The following FGF12 variants were observed in gnomAD, a reference collection of about 807,000 sequenced individuals.
FGF12 encodes the protein fibroblast growth factor 12B.
Under a neutral mutation model 23.6 loss-of-function variants are expected in FGF12, and 14 were observed. The ratio of observed to expected loss-of-function variants is 0.59; its 90% CI spans 0.39 to 0.93. FGF12 has a LOEUF of 0.93. Among genes scored for constraint, FGF12 ranks in the 40% least tolerant of loss-of-function variants. The pLI, the probability that FGF12 is intolerant of heterozygous loss-of-function variation, is 0.00. For missense variants in FGF12, 175 were observed against 217.8 expected (o/e 0.80, Z 1.24); for synonymous variants, 62 against 77.3 (o/e 0.80, Z 1.04).
intron 4 of FGF12, chr3:192,238,696 C>G (rs1719436262): frequency 6.6e-6 from 1 of 152,170 alleles, no homozygotes. Flanking sequence ...TAATCCCAGG[C>G]TTTTGTGTTA....
chr3:192,209,140 G>A (rs143400497), intron 4 of FGF12, among the ~76,000 whole-genome samples: 1 of 152,044 alleles, frequency 6.6e-6, no homozygotes, highest in Non-Finnish European at 1.5e-5. Context: ...ATATATTATG[G>A]GACTTTCAGA....
rs368361604 is a variant in FGF12 at position 192,345,872 on chromosome 3, C to T, written c.125-10408G>A. On this transcript the variant is annotated intron_variant, in intron 3 of 5. Coordinates refer to ENST00000445105, the MANE Select transcript of FGF12 (RefSeq NM_004113.6). ...TTAGTTTTTCTTAGATAAAATTACA[C>T]ACAGGCAACACAAGCACACTTATTT... Among the ~76,000 whole-genome samples, 70 of 152,276 alleles carry T rather than the reference C, an allele frequency of 4.6e-4. 1 individual carries two copies. The highest frequency in any genetic ancestry group is 1.6e-3 in the African/African-American group (65 of 41,566).
At chr3:192,638,816 C>T (rs2108662595) in intron 2 of FGF12, among the ~76,000 whole-genome samples, 1 of 152,254 alleles carries the variant, frequency 6.6e-6, no homozygotes, top group East Asian at 1.9e-4. Flanking sequence ...CTAGGCTGTG[C>T]AGTAATAACA....
chr3:192,371,071 A>G (rs946751861), intron 2 of FGF12, among the ~76,000 whole-genome samples: 41 of 152,208 alleles, frequency 2.7e-4, no homozygotes, highest in African/African-American at 9.4e-4. Flanking sequence ...TCTTTCTCAA[A>G]TGATCACCCA....
chr3:192,417,562 T>G (rs149303579), intron 2 of FGF12, among the ~76,000 whole-genome samples: 1 of 152,130 alleles, frequency 6.6e-6, no homozygotes, highest in African/African-American at 2.4e-5. Context: ...ATAATCTCAA[T>G]GTCACCTTAA....
intron 2 of FGF12, among the ~76,000 whole-genome samples, chr3:192,410,310 C>G (rs1721157726): frequency 6.6e-6 from 1 of 152,162 alleles, no homozygotes; most frequent in Non-Finnish European, 1.5e-5. Flanking sequence ...TCTGTCTCTC[C>G]CCTTTTCTCC....
intron 4 of FGF12, among the ~76,000 whole-genome samples, chr3:192,274,388 T>C (rs555811569): frequency 1.3e-5 from 2 of 152,238 alleles, no homozygotes; most frequent in South Asian, 4.1e-4. Context: ...AGAAAGTACT[T>C]CAAAAATTCC....
chr3:192,325,129 T>C (rs1716750226), intron 4 of FGF12, among the ~76,000 whole-genome samples: 1 of 152,194 alleles, frequency 6.6e-6, no homozygotes, highest in South Asian at 2.1e-4. Context: ...CCATGTCACA[T>C]GTTTGCAAGC....
intron 2 of FGF12, among the ~76,000 whole-genome samples, chr3:192,635,809 G>T (rs2108660045): frequency 6.6e-6 from 1 of 152,244 alleles, no homozygotes; most frequent in African/African-American, 2.4e-5. Flanking sequence ...AAGTTCTATG[G>T]AGAAGTCTGG....
At chr3:192,234,356 G>A (rs1719173408) in intron 4 of FGF12, among the ~76,000 whole-genome samples, 2 of 151,880 alleles carry the variant, frequency 1.3e-5, no homozygotes, top group South Asian at 4.1e-4. Context: ...GCCAGCTATT[G>A]TTGAGCTACT....
intron 4 of FGF12, among the ~76,000 whole-genome samples, chr3:192,178,269 T>C (rs1260755114): frequency 6.6e-6 from 1 of 152,162 alleles, no homozygotes; most frequent in African/African-American, 2.4e-5. Flanking sequence ...TATAAAATGT[T>C]GTTTCTTCAA....
chr3:192,519,689 C>T (rs1724767289), intron 2 of FGF12, among the ~76,000 whole-genome samples: 1 of 152,208 alleles, frequency 6.6e-6, no homozygotes, highest in Non-Finnish European at 1.5e-5. Context: ...GTTTGCCCGG[C>T]AGTGACTTTT....
At chr3:192,588,420 A>G (rs1406852897) in intron 2 of FGF12, among the ~76,000 whole-genome samples, 2 of 151,468 alleles carry the variant, frequency 1.3e-5, no homozygotes, top group African/African-American at 2.4e-5. Flanking sequence ...AATAAAATTA[A>G]AACAGTAATG....
intron 2 of FGF12, among the ~76,000 whole-genome samples, chr3:192,418,659 G>A (rs1393548527): frequency 6.6e-6 from 1 of 152,090 alleles, no homozygotes; most frequent in Non-Finnish European, 1.5e-5. Flanking sequence ...CTTCCCTCTT[G>A]CTGTTCTTGT....
At chr3:192,464,098 G>C (rs544220657) in intron 2 of FGF12, among the ~76,000 whole-genome samples, 1 of 152,290 alleles carries the variant, frequency 6.6e-6, no homozygotes, top group African/African-American at 2.4e-5. Context: ...ACACTGCTCA[G>C]GGTGGGGCCC....
intron 2 of FGF12, among the ~76,000 whole-genome samples, chr3:192,479,551 C>T (rs917872162): frequency 6.6e-6 from 1 of 152,176 alleles, no homozygotes; most frequent in Non-Finnish European, 1.5e-5. Flanking sequence ...ACTCTCCTAT[C>T]TTCCTTAGCA....
intron 3 of FGF12, among the ~76,000 whole-genome samples, chr3:192,347,382 A>G (rs1718013787): frequency 6.6e-6 from 1 of 152,166 alleles, no homozygotes; most frequent in African/African-American, 2.4e-5. Flanking sequence ...CACAATTACA[A>G]TGCAGTTAAA....
At chr3:192,694,691 T>C (rs1465172275) in intron 2 of FGF12, among the ~76,000 whole-genome samples, 2 of 151,810 alleles carry the variant, frequency 1.3e-5, no homozygotes, top group Non-Finnish European at 2.9e-5. Flanking sequence ...TAAAATAGTA[T>C]ACAGCCTTCA....
At position 192,215,094 on chromosome 3, in the gene FGF12, T is replaced by C. The variant is rs543688502; in HGVS notation, c.229-44438A>G. ...AGGATGCTTACGTTGTCATCGGCTCTTCCCGAACTCTCTACAGGAGTGAAT... is the reference window on the plus strand; with the variant it reads ...AGGATGCTTACGTTGTCATCGGCTCCTCCCGAACTCTCTACAGGAGTGAAT... On this transcript the variant is annotated intron_variant, in intron 4 of 5. Coordinates refer to ENST00000445105, the MANE Select transcript of FGF12 (RefSeq NM_004113.6). Among the ~76,000 whole-genome samples the C allele has an allele frequency of 1.0e-3, 153 of 152,340 alleles. 1 individual carries two copies. The highest frequency in any genetic ancestry group is 3.4e-3 in the African/African-American group (143 of 41,584).
Sources: allele counts gnomAD v4.1 joint callset (sites outside exome capture counted in the v4.1 genomes callset), GRCh38; gene constraint gnomAD v4.1.1; transcripts MANE v1.5; gene names NCBI Gene and HGNC (gene_info 2026-07-23, HGNC 2026-07-21).